PMEPA1: variants seen among roughly 807,000 people sequenced by gnomAD.
PMEPA1 encodes the protein protein TMEPAI.
A neutral mutation model predicts 23.0 loss-of-function variants in PMEPA1; 11 were observed. That is an observed-to-expected ratio of 0.48 (90% CI 0.30 to 0.79). The LOEUF (loss-of-function observed/expected upper bound fraction) is 0.79, where lower values mean the gene tolerates loss of function less well. PMEPA1 is among the 30% of genes least tolerant of loss of function. The probability of loss-of-function intolerance (pLI) is 0.06; values close to 1 mark genes in which losing one functional copy is unlikely to be tolerated. For synonymous variants in PMEPA1, 204 were observed against 166.4 expected, an observed-to-expected ratio of 1.23 and a Z score of -1.74; for missense variants, 377 against 390.9, an observed-to-expected ratio of 0.96 and a Z score of 0.30.
At chr20:57,703,669 A>C (rs1420655758) in intron 1 of PMEPA1, among the ~76,000 whole-genome samples, 1 of 152,228 alleles carries the variant, frequency 6.6e-6, no homozygotes, top group Non-Finnish European at 1.5e-5. Context: ...GTTCAAGGCC[A>C]TGGGCCCCAG....
intron 2 of PMEPA1, among the ~76,000 whole-genome samples, chr20:57,657,503 T>C (rs2071342530): frequency 6.6e-6 from 1 of 152,250 alleles, no homozygotes. Context: ...TAACCAGTGC[T>C]TGTTGCTGGA....
At position 57,674,971 on chromosome 20, in the gene PMEPA1, T is replaced by G. The variant is rs532475620; in HGVS notation, c.110-15274A>C. Among the ~76,000 whole-genome samples the G allele has an allele frequency of 5.8e-4, 89 of 152,360 alleles. 2 individuals are homozygous for G. In the South Asian group the frequency reaches 8.9e-3, roughly 15 times the overall value. On this transcript the variant is annotated intron_variant, in intron 1 of 3. Transcript: ENST00000341744. ...AGCTTGGAATCTTCTAAAGCCGTTC[T>G]GACCACAGTGAACGTGCAGTAGGTA...
intron 1 of PMEPA1, among the ~76,000 whole-genome samples, chr20:57,707,415 G>C (rs984628851): frequency 2.0e-5 from 3 of 152,174 alleles, no homozygotes; most frequent in African/African-American, 7.2e-5. Flanking sequence ...CCAATAAGTA[G>C]GGGGCTGTGT....
intron 1 of PMEPA1, among the ~76,000 whole-genome samples, chr20:57,702,231 A>T (rs1407566388): frequency 6.6e-6 from 1 of 152,170 alleles, no homozygotes; most frequent in Admixed American, 6.5e-5. Flanking sequence ...CTGAACGCTG[A>T]GCCCCTGCGG....
upstream of PMEPA1, chr20:57,710,087 C>T: frequency 2.1e-6 from 2 of 957,332 alleles, no homozygotes; most frequent in South Asian, 4.7e-5. Context: ...GCGCCAATCC[C>T]CGCCGAGGTT....
rs2071214479 is a variant in PMEPA1, at chr20:57,650,749, C to G, written c.*1304G>C. On this transcript the variant is annotated 3_prime_UTR_variant, in exon 4 of 4. Transcript: ENST00000341744. Reference sequence around the variant, plus strand: ...TATCCTGGGAGAAACCCAGGCTTGTCACCTTTTCATGTTGGGTTGTTTATT... The same window carrying G: ...TATCCTGGGAGAAACCCAGGCTTGTGACCTTTTCATGTTGGGTTGTTTATT... 1 of 150,834 alleles carries G rather than the reference C, an allele frequency of 6.6e-6. No individual in the cohort carries two copies. The highest frequency in any genetic ancestry group is 2.5e-5 in the African/African-American group (1 of 40,178). 9.3% of individuals were successfully genotyped at this position (150,834 alleles called of 1,614,324 possible).
chr20:57,680,327 G>C (rs1331754273), intron 1 of PMEPA1, among the ~76,000 whole-genome samples: 1 of 152,238 alleles, frequency 6.6e-6, no homozygotes, highest in Non-Finnish European at 1.5e-5. Context: ...TAGGGCTAAG[G>C]TGTGGTTCTT....
rs148004724 is a variant in PMEPA1, at chr20:57,663,249, T to G, written c.110-3552A>C. Among the ~76,000 whole-genome samples, 326 of 152,200 alleles carry G rather than the reference T, an allele frequency of 2.1e-3. 2 individuals are homozygous for G. The highest frequency in any genetic ancestry group is 7.5e-3 in the African/African-American group (313 of 41,522). ...GTGAGCCAAGGGCCTGGGTCCAGGCTTAGGGAGATGGAGATTTGCAAGGGT... is the reference window on the plus strand; with the variant it reads ...GTGAGCCAAGGGCCTGGGTCCAGGCGTAGGGAGATGGAGATTTGCAAGGGT... On this transcript the variant is annotated intron_variant, in intron 1 of 3. Coordinates refer to ENST00000341744, the MANE Select transcript of PMEPA1 (RefSeq NM_020182.5).
chr20:57,652,870 G>A lies in PMEPA1; in HGVS notation c.318+163C>T, dbSNP rs1038372246. On this transcript the variant is annotated intron_variant, in intron 3 of 3. Coordinates refer to ENST00000341744, the MANE Select transcript of PMEPA1 (RefSeq NM_020182.5). This position sits in a 1 kb window ranked among gnomAD's most constrained non-coding sequence, Gnocchi z 6.1. The stretch of plus-strand genomic sequence containing the variant: ...GCAGAGAGCTGGGCTGCTCCCTCAG[G>A]GGCAGGGAGCAGATGATCTCCGGCA... 5.3e-5 allele frequency among the ~76,000 whole-genome samples: 8 copies of A among 152,316 alleles called. No individual in the cohort carries two copies. Among genetic ancestry groups the A allele is most frequent in the African/African-American group, 1.9e-4 (8 of 41,576 alleles).
intron 1 of PMEPA1, among the ~76,000 whole-genome samples, chr20:57,669,528 G>T (rs893080987): frequency 6.6e-6 from 1 of 152,186 alleles, no homozygotes; most frequent in African/African-American, 2.4e-5. Flanking sequence ...TGCACAAAAG[G>T]TCACAATCAA....
Position 57,709,785 on chromosome 20 carries a change from C to A in PMEPA1, c.-203G>T. 6 of 982,396 alleles carry A rather than the reference C, an allele frequency of 6.1e-6. No homozygotes were observed. The highest frequency in any genetic ancestry group is 7.2e-6 in the Non-Finnish European group (6 of 828,512). The allele number at this position is 982,396 out of a possible 1,614,324, so 60.9% of individuals were successfully genotyped here. On this transcript the variant is annotated 5_prime_UTR_variant, in exon 1 of 4. Coordinates refer to ENST00000341744, the MANE Select transcript of PMEPA1 (RefSeq NM_020182.5). ...CGGGACCGCGCTCCGCTGCGCCCCC[C>A]CGGCCTCCCCTCGGCAGCCCCGGGG...
Position 57,682,682 on chromosome 20 carries a change from C to T in PMEPA1, c.110-22985G>A, listed in dbSNP as rs966023482. Among the ~76,000 whole-genome samples the T allele has an allele frequency of 6.6e-6, 1 of 152,132 alleles. No individual in the cohort carries two copies. Among genetic ancestry groups the T allele is most frequent in the African/African-American group, 2.4e-5 (1 of 41,414 alleles). On this transcript the variant is annotated intron_variant, in intron 1 of 3. Transcript: ENST00000341744. This position sits in a 1 kb window ranked among gnomAD's most constrained non-coding sequence, Gnocchi z 4.4. ...TTAAAAAAAATCCCTGAAACAGCAC[C>T]CACTCCCTGTCAAGTCTGTGTCCCC...
intron 1 of PMEPA1, among the ~76,000 whole-genome samples, chr20:57,681,398 G>A (rs958223141): frequency 6.6e-6 from 1 of 152,160 alleles, no homozygotes; most frequent in Non-Finnish European, 1.5e-5. Flanking sequence ...ACCAGGGGTT[G>A]CCCCGGAGCC....
At chr20:57,696,969 G>T (rs759791642) in intron 1 of PMEPA1, among the ~76,000 whole-genome samples, 1 of 152,236 alleles carries the variant, frequency 6.6e-6, no homozygotes, top group Non-Finnish European at 1.5e-5. Flanking sequence ...TCTTCGGGGA[G>T]GCTTGCTCTT....
At chr20:57,659,334 C>G (rs995869882) in intron 2 of PMEPA1, among the ~76,000 whole-genome samples, 1 of 152,238 alleles carries the variant, frequency 6.6e-6, no homozygotes, top group African/African-American at 2.4e-5. Flanking sequence ...TCATTCCCCA[C>G]GTTCCTCCAG....
rs75343635 is a variant in PMEPA1 at position 57,676,066 on chromosome 20, G to A, written c.110-16369C>T. On this transcript the variant is annotated intron_variant, in intron 1 of 3. Transcript: ENST00000341744. Reference sequence around the variant, plus strand: ...AGAAAATCCCAAATTCTGGGAAGACGAGGTTCTGACCAACTGTTCTGCGAA... The same window carrying A: ...AGAAAATCCCAAATTCTGGGAAGACAAGGTTCTGACCAACTGTTCTGCGAA... Among the ~76,000 whole-genome samples, 1,023 of 152,362 alleles carry A rather than the reference G, an allele frequency of 6.7e-3. 15 individuals are homozygous for A. The highest frequency in any genetic ancestry group is 0.023 in the African/African-American group (973 of 41,590).
chr20:57,674,130 AC>A (rs2071605208), intron 1 of PMEPA1, among the ~76,000 whole-genome samples: 2 of 152,032 alleles, frequency 1.3e-5, no homozygotes, highest in South Asian at 4.2e-4. Context: ...TGAAGCCCTG[AC>A]CCCTGGTGTG....
At chr20:57,660,483 A>C (rs1259753202) in intron 1 of PMEPA1, among the ~76,000 whole-genome samples, 88 of 137,034 alleles carry the variant, frequency 6.4e-4, no homozygotes, top group Admixed American at 7.3e-4. Flanking sequence ...CAACACTCCT[A>C]CACACACAAC....
rs2071310432 is a variant in PMEPA1 at position 57,655,226 on chromosome 20, C to T, written c.265-2140G>A. 6.6e-6 allele frequency among the ~76,000 whole-genome samples: 1 copy of T among 152,138 alleles called. No homozygotes were observed. Among genetic ancestry groups the T allele is most frequent in the Non-Finnish European group, 1.5e-5 (1 of 68,020 alleles). ...GGGTCTGGACCAATGGCCCCTCTTTCCTCCCTTTCCTGAAGAACTTTGACT... is the reference window on the plus strand; with the variant it reads ...GGGTCTGGACCAATGGCCCCTCTTTTCTCCCTTTCCTGAAGAACTTTGACT... On this transcript the variant is annotated intron_variant, in intron 2 of 3. Transcript: ENST00000341744. This position sits in a 1 kb window ranked among gnomAD's most constrained non-coding sequence, Gnocchi z 4.2.
Sources: gnomAD v4.1 joint callset for allele counts (sites outside exome capture counted in the v4.1 genomes callset) on GRCh38, gnomAD v4.1.1 for gene constraint, Gnocchi (gnomAD v3.1) non-coding constraint, MANE v1.5 for transcripts, NCBI Gene and HGNC (gene_info 2026-07-23, HGNC 2026-07-21) for gene names.